Variants in UGT1A8 observed in about 807,000 individuals in gnomAD.
The protein encoded by UGT1A8 is UDP-glucuronosyltransferase 1A8.
Under a neutral mutation model 45.3 loss-of-function variants are expected in UGT1A8, and 39 were observed. That is an observed-to-expected ratio of 0.86 (90% confidence interval 0.67 to 1.12). UGT1A8 has a LOEUF of 1.12. Ranked by LOEUF, UGT1A8 falls within the 50% of genes most tolerant of loss-of-function variation. UGT1A8 has a pLI of 0.00. For synonymous variants in UGT1A8, 275 were observed against 249.2 expected, an observed-to-expected ratio of 1.10 and a Z score of -0.97; for missense variants, 719 against 664.9, an observed-to-expected ratio of 1.08 and a Z score of -0.90.
chr2:233,705,257 T>C (rs2075836592), intron 1 of UGT1A8, among the ~76,000 whole-genome samples: 1 of 152,236 alleles, frequency 6.6e-6, no homozygotes, highest in Admixed American at 6.5e-5. Flanking sequence ...GATTATTCTA[T>C]GGGGTCACTT....
chr2:233,719,132 A>C (rs373602050), intron 1 of UGT1A8: 15 of 1,614,240 alleles, frequency 9.3e-6, no homozygotes, highest in African/African-American at 1.3e-5. Flanking sequence ...TTGAAACAGA[A>C]CATCTTCTGA....
intron 1 of UGT1A8, among the ~76,000 whole-genome samples, chr2:233,739,992 T>C (rs772368489): frequency 2.0e-5 from 3 of 151,936 alleles, no homozygotes; most frequent in Non-Finnish European, 2.9e-5. Context: ...CATGCTGTTC[T>C]TGTCATACTA....
chr2:233,628,459 A>G (rs888328316), intron 1 of UGT1A8, among the ~76,000 whole-genome samples: 1 of 152,120 alleles, frequency 6.6e-6, no homozygotes, highest in Admixed American at 6.6e-5. Flanking sequence ...TTAGTTTTTA[A>G]GTATTGTATC....
chr2:233,664,211 T>G (rs1337820563), intron 1 of UGT1A8, among the ~76,000 whole-genome samples: 3 of 152,134 alleles, frequency 2.0e-5, no homozygotes, highest in African/African-American at 7.2e-5. Flanking sequence ...TCTATCAGTA[T>G]TTTGGTCACA....
intron 1 of UGT1A8, among the ~76,000 whole-genome samples, chr2:233,695,121 T>TTTTATTTTC (rs2075260818): frequency 9.6e-6 from 1 of 103,914 alleles, no homozygotes. Flanking sequence ...TAACCAACCC[T>TTTTATTTTC]TTTCTTTTCT....
chr2:233,747,678 C>T, intron 1 of UGT1A8: 3 of 1,607,090 alleles, frequency 1.9e-6, no homozygotes, highest in Admixed American at 1.7e-5. Context: ...CCCAATTTAC[C>T]TCTGTGGGGC....
chr2:233,751,961 T>G (rs923784516), intron 1 of UGT1A8, among the ~76,000 whole-genome samples: 8 of 152,012 alleles, frequency 5.3e-5, no homozygotes, highest in African/African-American at 1.9e-4. Context: ...TAAAGGAGAG[T>G]CTGAGAAAAG....
intron 1 of UGT1A8, chr2:233,729,494 T>C (rs2077868084): frequency 6.2e-7 from 1 of 1,614,084 alleles, no homozygotes; most frequent in Non-Finnish European, 8.5e-7. Context: ...ATGTCTTTGG[T>C]CTATCATAGG....
At chr2:233,749,908 A>G (rs1325539824) in intron 1 of UGT1A8, among the ~76,000 whole-genome samples, 1 of 151,938 alleles carries the variant, frequency 6.6e-6, no homozygotes, top group African/African-American at 2.4e-5. Flanking sequence ...AGCCACCTGG[A>G]ACTGTGAGTC....
rs763571226 is a variant in UGT1A8, at chr2:233,693,560, C to T, written c.856-73474C>T. ...CCTGGAGCATACATTCAGCAGAAGCCCAGACCCTGTGTCCTACATTCCCAG... is the reference window on the plus strand; with the variant it reads ...CCTGGAGCATACATTCAGCAGAAGCTCAGACCCTGTGTCCTACATTCCCAG... On this transcript the variant is annotated intron_variant, in intron 1 of 4. Transcript: ENST00000373450. The T allele has an allele frequency of 2.8e-5, 45 of 1,614,066 alleles. No individual in the cohort carries two copies. In the Admixed American group the frequency reaches 7.3e-4, roughly 26 times the overall value.
intron 1 of UGT1A8, among the ~76,000 whole-genome samples, chr2:233,725,937 A>T (rs911094598): frequency 6.6e-6 from 1 of 152,148 alleles, no homozygotes; most frequent in Non-Finnish European, 1.5e-5. Context: ...AGACTGATGC[A>T]GGAGGATTGT....
At chr2:233,668,082 T>C (rs1559331987) in intron 1 of UGT1A8, among the ~76,000 whole-genome samples, 1 of 152,092 alleles carries the variant, frequency 6.6e-6, no homozygotes, top group Non-Finnish European at 1.5e-5. Context: ...ATACTTTAAG[T>C]TCTAGGGTAC....
At chr2:233,637,821 C>A (rs1289082327) in intron 1 of UGT1A8, among the ~76,000 whole-genome samples, 1 of 152,110 alleles carries the variant, frequency 6.6e-6, no homozygotes, top group Non-Finnish European at 1.5e-5. Flanking sequence ...TTGGGCTGAA[C>A]ATATTCTTCT....
chr2:233,703,909 G>A (rs922179398), intron 1 of UGT1A8, among the ~76,000 whole-genome samples: 11 of 144,658 alleles, frequency 7.6e-5, no homozygotes, highest in African/African-American at 2.6e-4. Context: ...TTTTTTTTTT[G>A]AGACAAAATC....
At chr2:233,713,015 C>T (rs777835702) in intron 1 of UGT1A8, 5 of 1,613,700 alleles carry the variant, frequency 3.1e-6, no homozygotes, top group South Asian at 1.1e-5. Context: ...TCCAGGTTCC[C>T]CTGCCGCAGC....
intron 1 of UGT1A8, among the ~76,000 whole-genome samples, chr2:233,706,821 G>A (rs982521215): frequency 9.2e-5 from 14 of 152,128 alleles, no homozygotes; most frequent in Non-Finnish European, 1.8e-4. Context: ...CCAATCCCAG[G>A]GCAGGACTCT....
chr2:233,620,667 T>C (rs13027151), intron 1 of UGT1A8, among the ~76,000 whole-genome samples: 1 of 152,180 alleles, frequency 6.6e-6, no homozygotes. Flanking sequence ...TGTATTAATG[T>C]ATATATTTAT....
chr2:233,621,069 C>G (rs45573235), intron 1 of UGT1A8, among the ~76,000 whole-genome samples: 9 of 152,060 alleles, frequency 5.9e-5, no homozygotes, highest in African/African-American at 2.2e-4. Flanking sequence ...TGAGTCTATC[C>G]AGGAGAATTA....
chr2:233,628,323 T>G (rs1179549309), intron 1 of UGT1A8, among the ~76,000 whole-genome samples: 1 of 141,260 alleles, frequency 7.1e-6, no homozygotes, highest in Non-Finnish European at 1.6e-5. Context: ...TATATATATA[T>G]TTTTTCAAAC....
Sources: gnomAD v4.1 joint callset for allele counts (sites outside exome capture counted in the v4.1 genomes callset) on GRCh38, gnomAD v4.1.1 for gene constraint, MANE v1.5 for transcripts, NCBI Gene and HGNC (gene_info 2026-07-23, HGNC 2026-07-21) for gene names.